FAM168B: variants seen among roughly 807,000 people sequenced by gnomAD.
FAM168B encodes myelin-associated neurite-outgrowth inhibitor.
FAM168B carries 19 observed loss-of-function variants against 21.8 expected under a neutral mutation model. The ratio of observed to expected loss-of-function variants is 0.87; its 90% confidence interval spans 0.61 to 1.28. FAM168B has a LOEUF of 1.28. Ranked by LOEUF, FAM168B falls within the 50% of genes most tolerant of loss-of-function variation. The pLI is 0.00. For missense variants in FAM168B, 233 were observed against 263.1 expected, an observed-to-expected ratio of 0.89 and a Z score of 0.79; for synonymous variants, 126 against 104.8, an observed-to-expected ratio of 1.20 and a Z score of -1.24.
chr2:131,091,479 C>G (rs1282940902), intron 1 of FAM168B, among the ~76,000 whole-genome samples: 1 of 151,402 alleles, frequency 6.6e-6, no homozygotes, highest in Non-Finnish European at 1.5e-5. Context: ...AACCCCGTCT[C>G]TACTAAAAAT....
Position 131,048,069 on chromosome 2 carries a change from G to T in FAM168B, c.*4396C>A. The stretch of plus-strand genomic sequence containing the variant: ...TCCATTCCTTGGCATGGATACGTAA[G>T]TTCAATGCAGAGGTGAGGGATGCCT... On this transcript the variant is annotated 3_prime_UTR_variant, in exon 7 of 7. Coordinates refer to ENST00000389915, the MANE Select transcript of FAM168B (RefSeq NM_001009993.4). 1.5e-6 allele frequency: 1 copy of T among 678,090 alleles called. No homozygotes were observed. The highest frequency in any genetic ancestry group is 2.0e-6 in the Non-Finnish European group (1 of 488,600). The allele number at this position is 678,090 out of a possible 1,614,324, so 42.0% of individuals were successfully genotyped here.
intron 4 of FAM168B, 50 bp from the exon 5 acceptor site, chr2:131,055,499 G>T (rs1667369347): frequency 6.2e-7 from 1 of 1,600,340 alleles, no homozygotes; most frequent in African/African-American, 1.4e-5. Context: ...GCCAAAGGAT[G>T]AACGCCCAGG....
intron 3 of FAM168B, among the ~76,000 whole-genome samples, chr2:131,069,804 G>A (rs1692779217): frequency 6.8e-6 from 1 of 147,044 alleles, no homozygotes; most frequent in Non-Finnish European, 1.5e-5. Flanking sequence ...AGTTACACAG[G>A]TTTATTAAGT....
In FAM168B at chr2:131,052,224, TAC is replaced by T. The variant is rs1691722058; in HGVS notation, c.*239_*240del. 2.0e-6 allele frequency: 2 copies of T among 985,754 alleles called. No individual in the cohort carries two copies. The highest frequency in any genetic ancestry group is 2.4e-6 in the Non-Finnish European group (2 of 829,934). The allele number at this position is 985,754 out of a possible 1,614,324, so 61.1% of individuals were successfully genotyped here. A position where few individuals can be genotyped will look rare whatever the true frequency, so the allele number is the denominator to read the frequency against. On this transcript the variant is annotated 3_prime_UTR_variant, in exon 7 of 7. Coordinates refer to ENST00000389915, the MANE Select transcript of FAM168B (RefSeq NM_001009993.4). The stretch of plus-strand genomic sequence containing the variant: ...TAGATTAATACTCCCTTTTTATCAT[TAC>T]AGTTAGCTAAAAAATTGCCAGGCAG...
intron 3 of FAM168B, among the ~76,000 whole-genome samples, chr2:131,059,973 T>C (rs1692211741): frequency 6.6e-6 from 1 of 151,734 alleles, no homozygotes; most frequent in African/African-American, 2.4e-5. Context: ...GATGTGTAGG[T>C]GGGAAGTATA....
chr2:131,078,986 CAAA>C (rs755973080), intron 2 of FAM168B, among the ~76,000 whole-genome samples: 3 of 93,900 alleles, frequency 3.2e-5, no homozygotes, highest in Non-Finnish European at 2.3e-5. Flanking sequence ...GACCCTTTCA[CAAA>C]AAAAAAAAAA....
At position 131,074,434 on chromosome 2, in the gene FAM168B, G is replaced by A. The variant is rs190901759; in HGVS notation, c.71-2496C>T. Among the ~76,000 whole-genome samples, 454 of 152,232 alleles carry A rather than the reference G, an allele frequency of 3.0e-3. 2 individuals carry two copies. The highest frequency in any genetic ancestry group is 4.5e-3 in the Non-Finnish European group (305 of 68,018). ...GAGCCACTGCACCTGGCCAGAAAGC[G>A]TTCTTTCTATTTGGGGCACACAGCC... On this transcript the variant is annotated intron_variant, in intron 2 of 6. Transcript: ENST00000389915.
Position 131,049,579 on chromosome 2 carries a change from A to G in FAM168B, c.*2886T>C, listed in dbSNP as rs914668206. On this transcript the variant is annotated 3_prime_UTR_variant, in exon 7 of 7. Coordinates refer to ENST00000389915, the MANE Select transcript of FAM168B (RefSeq NM_001009993.4). Reference sequence around the variant, plus strand: ...CAGCACAGATCCAAACAAGACCTCCATGAGCAGAGAAACTGCAGCGGCTGA... The same window carrying G: ...CAGCACAGATCCAAACAAGACCTCCGTGAGCAGAGAAACTGCAGCGGCTGA... 1.3e-5 allele frequency: 13 copies of G among 985,350 alleles called. No homozygotes were observed. Among genetic ancestry groups the G allele is most frequent in the Admixed American group, 1.2e-4 (2 of 16,262 alleles). The allele number at this position is 985,350 out of a possible 1,614,324, so 61.0% of individuals were successfully genotyped here. A position where few individuals can be genotyped will look rare whatever the true frequency, so the allele number is the denominator to read the frequency against.
chr2:131,077,995 C>T (rs1402029522), intron 2 of FAM168B, among the ~76,000 whole-genome samples: 1 of 152,194 alleles, frequency 6.6e-6, no homozygotes, highest in Non-Finnish European at 1.5e-5. Flanking sequence ...CTTGCCAAAA[C>T]TGAAATGCAT....
At position 131,051,481 on chromosome 2, in the gene FAM168B, A is replaced by AG. The variant is rs1490596677; in HGVS notation, c.*983dup. The AG allele has an allele frequency of 8.2e-6, 8 of 971,042 alleles. No homozygotes were observed. Among genetic ancestry groups the AG allele is most frequent in the Non-Finnish European group, 9.7e-6 (8 of 827,464 alleles). 60.2% of individuals were successfully genotyped at this position (971,042 alleles called of 1,614,324 possible). A position where few individuals can be genotyped will look rare whatever the true frequency, so the allele number is the denominator to read the frequency against. On this transcript the variant is annotated 3_prime_UTR_variant, in exon 7 of 7. Coordinates refer to ENST00000389915, the MANE Select transcript of FAM168B (RefSeq NM_001009993.4). ...TTTCAGCTGATTCAAACATTTCTCCAGGAAAAAAAAAAAAAAAGGAATGAT... is the reference window on the plus strand; with the variant it reads ...TTTCAGCTGATTCAAACATTTCTCCAGGGAAAAAAAAAAAAAAAGGAATGAT...
chr2:131,067,519 C>A (rs1348491965), intron 3 of FAM168B, among the ~76,000 whole-genome samples: 1 of 152,126 alleles, frequency 6.6e-6, no homozygotes, highest in African/African-American at 2.4e-5. Context: ...GATGAGAGGA[C>A]TGCTTGTGCT....
chr2:131,084,386 G>C (rs1281116399), intron 1 of FAM168B, among the ~76,000 whole-genome samples: 1 of 151,116 alleles, frequency 6.6e-6, no homozygotes, highest in African/African-American at 2.4e-5. Flanking sequence ...TTTAAATAGA[G>C]ATGAGGTTCC....
chr2:131,075,247 A>T (rs1263362976), intron 2 of FAM168B, among the ~76,000 whole-genome samples: 1 of 149,204 alleles, frequency 6.7e-6, no homozygotes, highest in Non-Finnish European at 1.5e-5. Flanking sequence ...AACCAGCAAG[A>T]TTTTTTTTTC....
At chr2:131,065,434 A>G (rs374273960) in intron 3 of FAM168B, among the ~76,000 whole-genome samples, 2 of 152,188 alleles carry the variant, frequency 1.3e-5, no homozygotes, top group East Asian at 3.9e-4. Flanking sequence ...GCTGCCATGC[A>G]TGAAGTTTAA....
intron 1 of FAM168B, among the ~76,000 whole-genome samples, chr2:131,083,751 A>G (rs1693537691): frequency 6.6e-6 from 1 of 152,218 alleles, no homozygotes; most frequent in Non-Finnish European, 1.5e-5. Flanking sequence ...ATAAACACCT[A>G]TGTGTATAAA....
chr2:131,053,107 A>T, intron 5 of FAM168B, 92 bp from the exon 6 acceptor site: 3 of 1,434,758 alleles, frequency 2.1e-6, no homozygotes, highest in South Asian at 2.9e-5. Context: ...CTTTGCAAGG[A>T]GGAGGGTATA....
chr2:131,081,421 G>A (rs746825592), intron 2 of FAM168B, among the ~76,000 whole-genome samples: 1 of 152,156 alleles, frequency 6.6e-6, no homozygotes, highest in Non-Finnish European at 1.5e-5. Context: ...AGGAGCCCCA[G>A]GAGTAACCAA....
Position 131,051,281 on chromosome 2 carries a change from A to G in FAM168B, c.*1184T>C, listed in dbSNP as rs1022408519. On this transcript the variant is annotated 3_prime_UTR_variant, in exon 7 of 7. Transcript: ENST00000389915. ...GGTGGGTGATCCCAGAAGCAGCTACAGGTTTCTACATTTCCAGACATATCC... is the reference window on the plus strand; with the variant it reads ...GGTGGGTGATCCCAGAAGCAGCTACGGGTTTCTACATTTCCAGACATATCC... 1.0e-6 allele frequency: 1 copy of G among 985,340 alleles called. No homozygotes were observed. 61.0% of individuals were successfully genotyped at this position (985,340 alleles called of 1,614,324 possible). A position where few individuals can be genotyped will look rare whatever the true frequency, so the allele number is the denominator to read the frequency against.
chr2:131,052,781 A>G, intron 6 of FAM168B, 110 bp downstream of exon 6: 4 of 1,453,754 alleles, frequency 2.8e-6, no homozygotes, highest in Non-Finnish European at 3.7e-6. Flanking sequence ...CTCTGGATCC[A>G]GGGTCAGGCA....
Sources: gnomAD v4.1 joint callset for allele counts (sites outside exome capture counted in the v4.1 genomes callset) on GRCh38, gnomAD v4.1.1 for gene constraint, MANE v1.5 for transcripts, NCBI Gene and HGNC (gene_info 2026-07-23, HGNC 2026-07-21) for gene names.